IGDCC3: variants seen among roughly 807,000 people sequenced by gnomAD.
The protein encoded by IGDCC3 is putative neuronal cell adhesion molecule.
In IGDCC3, 47 loss-of-function variants were observed where a neutral mutation model predicts 72.0. That is an observed-to-expected ratio of 0.65 (90% CI 0.52 to 0.83). IGDCC3 has a LOEUF of 0.83. Among genes scored for constraint, IGDCC3 ranks in the 40% least tolerant of loss-of-function variants. The pLI is 0.00. For synonymous variants in IGDCC3, 477 were observed against 472.8 expected (o/e 1.01, Z -0.11); for missense variants, 1,038 against 1,091.3 (o/e 0.95, Z 0.69).
intron 2 of IGDCC3, among the ~76,000 whole-genome samples, chr15:65,371,451 C>T (rs1388765955): frequency 6.6e-6 from 1 of 152,202 alleles, no homozygotes; most frequent in Non-Finnish European, 1.5e-5. Flanking sequence ...AAAATCCCCA[C>T]AGCGGAGGTT....
chr15:65,336,277 C>T (rs1262851323), intron 2 of IGDCC3, among the ~76,000 whole-genome samples: 1 of 152,190 alleles, frequency 6.6e-6, no homozygotes, highest in Non-Finnish European at 1.5e-5. Context: ...GTCCCCAAAA[C>T]TGACCCATGA....
In IGDCC3 at chr15:65,377,525, G is replaced by A. The variant is rs1454893396; in HGVS notation, c.103+161C>T. On this transcript the variant is annotated intron_variant, in intron 1 of 13. Transcript: ENST00000327987. This position sits in a 1 kb window ranked among gnomAD's most constrained non-coding sequence, Gnocchi z 4.9. ...TAGGGCCCCCAGCAGTCCGGCCTTG[G>A]TACCCTCTCCCCGTCCGGATCCGCA... 6.6e-6 allele frequency among the ~76,000 whole-genome samples: 1 copy of A among 152,122 alleles called. No individual in the cohort carries two copies. Among genetic ancestry groups the A allele is most frequent in the African/African-American group, 2.4e-5 (1 of 41,426 alleles).
Position 65,333,363 on chromosome 15 carries a change from G to A in IGDCC3, c.876C>T (p.Leu292=). Residue 292 remains leucine, a synonymous_variant, in exon 6 of 14, where the codon CTC becomes CTT. Coordinates refer to ENST00000327987, the MANE Select transcript of IGDCC3 (RefSeq NM_004884.4). ...EGIQVLGTGN[L]IISDVTVQHS... is the part of the protein sequence containing the mutation. ...GCTGGACCGTCACGTCTGAGATGATGAGGTTTCCTGTGCCCAGCACCTGGA... is the reference window on the plus strand; with the variant it reads ...GCTGGACCGTCACGTCTGAGATGATAAGGTTTCCTGTGCCCAGCACCTGGA... 1 of 1,612,112 alleles carries A rather than the reference G, an allele frequency of 6.2e-7. No individual in the cohort carries two copies. Among genetic ancestry groups the A allele is most frequent in the Non-Finnish European group, 8.5e-7 (1 of 1,179,090 alleles).
chr15:65,330,983 C>T, intron 9 of IGDCC3, 67 bp downstream of exon 9: 1 of 1,555,664 alleles, frequency 6.4e-7, no homozygotes, highest in South Asian at 1.2e-5. Context: ...AACAAGTGTG[C>T]ATGGTGGTTC....
rs946856608 is a variant in IGDCC3 at position 65,377,243 on chromosome 15, G to C, written c.103+443C>G. ...CCATCTCCGCCCAGTGCAGCCGTCA[G>C]AGTCCCGGTCTCCGCTCCCCAGGCT... On this transcript the variant is annotated intron_variant, in intron 1 of 13. Transcript: ENST00000327987. The surrounding 1 kb of genome is among the most constrained non-coding windows in gnomAD (Gnocchi z 4.9). Among the ~76,000 whole-genome samples, 5 of 152,168 alleles carry C rather than the reference G, an allele frequency of 3.3e-5. No homozygotes were observed. In the South Asian group the frequency reaches 6.2e-4, roughly 19 times the overall value.
intron 2 of IGDCC3, among the ~76,000 whole-genome samples, chr15:65,340,881 A>C (rs1318860182): frequency 2.0e-5 from 3 of 152,162 alleles, no homozygotes; most frequent in Non-Finnish European, 2.9e-5. Flanking sequence ...GGCACGCACC[A>C]CCATGCCCAG....
Position 65,327,518 on chromosome 15 carries a change from TAA to T in IGDCC3, c.*1389_*1390del, listed in dbSNP as rs932678866. On this transcript the variant is annotated 3_prime_UTR_variant, in exon 14 of 14. Coordinates refer to ENST00000327987, the MANE Select transcript of IGDCC3 (RefSeq NM_004884.4). ...AAGGAATACACTTATCTTTTTTCTT[TAA>T]AAAAAGTTTTTCTTCTGCTATTTAA... 1 of 152,176 alleles carries T rather than the reference TAA, an allele frequency of 6.6e-6. No homozygotes were observed. Among genetic ancestry groups the T allele is most frequent in the Non-Finnish European group, 1.5e-5 (1 of 68,014 alleles). The allele number at this position is 152,176 out of a possible 1,614,324, so 9.4% of individuals were successfully genotyped here.
At position 65,335,806 on chromosome 15, in the gene IGDCC3, G is replaced by A. The variant is rs777550413; in HGVS notation, c.554+6C>T. Reference sequence around the variant, plus strand: ...CCTCCCTCTGTCTTTCCCACACGTGGCTCACCTCTCATTGTCCGTGTCAAT... The same window carrying A: ...CCTCCCTCTGTCTTTCCCACACGTGACTCACCTCTCATTGTCCGTGTCAAT... On this transcript the variant is annotated splice_donor_region_variant and intron_variant, in intron 3 of 13. Transcript: ENST00000327987. 6.2e-7 allele frequency: 1 copy of A among 1,613,958 alleles called. No homozygotes were observed. The highest frequency in any genetic ancestry group is 8.5e-7 in the Non-Finnish European group (1 of 1,179,902).
intron 2 of IGDCC3, among the ~76,000 whole-genome samples, chr15:65,345,607 C>T (rs1429992315): frequency 3.1e-5 from 3 of 96,036 alleles, no homozygotes; most frequent in Non-Finnish European, 6.2e-5. Flanking sequence ...CACACAGACA[C>T]GCACAAAAAT....
chr15:65,354,909 T>G (rs554712963), intron 2 of IGDCC3, among the ~76,000 whole-genome samples: 2 of 152,312 alleles, frequency 1.3e-5, no homozygotes, highest in East Asian at 3.9e-4. Flanking sequence ...CCATGCAGAT[T>G]TCCGGACCCT....
chr15:65,340,824 G>A (rs565893926), intron 2 of IGDCC3, among the ~76,000 whole-genome samples: 169 of 152,312 alleles, frequency 1.1e-3, no homozygotes, highest in Non-Finnish European at 2.0e-3. Context: ...TGCCTCCTGG[G>A]TTCAAGCAAT....
At chr15:65,357,175 A>T (rs575975436) in intron 2 of IGDCC3, among the ~76,000 whole-genome samples, 178 of 152,180 alleles carry the variant, frequency 1.2e-3, no homozygotes, top group African/African-American at 4.1e-3. Flanking sequence ...ATACCCCTCA[A>T]TTCTGCATAT....
At chr15:65,345,919 T>C (rs1446239935) in intron 2 of IGDCC3, among the ~76,000 whole-genome samples, 1 of 152,158 alleles carries the variant, frequency 6.6e-6, no homozygotes, top group Non-Finnish European at 1.5e-5. Flanking sequence ...CCAAGTCTCT[T>C]TACCTTCATC....
chr15:65,366,953 A>G (rs1250488611), intron 2 of IGDCC3, among the ~76,000 whole-genome samples: 1 of 152,204 alleles, frequency 6.6e-6, no homozygotes, highest in African/African-American at 2.4e-5. Flanking sequence ...CAAGCTCAGA[A>G]ATCAGGGAGA....
intron 2 of IGDCC3, among the ~76,000 whole-genome samples, chr15:65,374,780 C>T (rs900417166): frequency 1.3e-5 from 2 of 152,072 alleles, no homozygotes; most frequent in African/African-American, 2.4e-5. Context: ...CTCAGTGCAC[C>T]GGGATGCTCA....
intron 8 of IGDCC3, 26 bp from the exon 9 acceptor site, chr15:65,331,240 G>T (rs1423852218): frequency 1.2e-6 from 2 of 1,611,194 alleles, no homozygotes; most frequent in Non-Finnish European, 1.7e-6. Flanking sequence ...GTGGGCAGGG[G>T]AGTGTGAAGG....
chr15:65,355,063 G>A (rs1011334003), intron 2 of IGDCC3, among the ~76,000 whole-genome samples: 4 of 152,168 alleles, frequency 2.6e-5, no homozygotes, highest in African/African-American at 9.6e-5. Flanking sequence ...ACTCAGCCAA[G>A]CCCCCCAACC....
intron 2 of IGDCC3, chr15:65,355,855 AC>A: frequency 1.1e-5 from 4 of 366,616 alleles, no homozygotes; most frequent in Middle Eastern, 4.3e-4. Flanking sequence ...ATTTCCCGCC[AC>A]CCCCTCCCCC....
intron 11 of IGDCC3, 68 bp downstream of exon 11, chr15:65,330,225 G>A (rs1442661460): frequency 1.8e-6 from 2 of 1,129,750 alleles, no homozygotes; most frequent in African/African-American, 1.5e-5. Context: ...CGTGGCACAT[G>A]CTATCTCACC....
Sources: allele counts gnomAD v4.1 joint callset (sites outside exome capture counted in the v4.1 genomes callset), GRCh38; gene constraint gnomAD v4.1.1; non-coding constraint Gnocchi (gnomAD v3.1); transcripts MANE v1.5; gene names NCBI Gene and HGNC (gene_info 2026-07-23, HGNC 2026-07-21).